FER: variants seen among roughly 807,000 people sequenced by gnomAD.
FER encodes FER tyrosine kinase.
Under a neutral mutation model 111.0 loss-of-function variants are expected in FER, and 63 were observed. The ratio of observed to expected loss-of-function variants is 0.57; its 90% CI spans 0.46 to 0.70. The LOEUF (loss-of-function observed/expected upper bound fraction) is 0.70, where lower values mean the gene tolerates loss of function less well. Among genes scored for constraint, FER ranks in the 30% least tolerant of loss-of-function variants. The probability of loss-of-function intolerance (pLI) is 0.00; values close to 1 mark genes in which losing one functional copy is unlikely to be tolerated. For synonymous variants in FER, 327 were observed against 313.9 expected, an observed-to-expected ratio of 1.04 and a Z score of -0.44; for missense variants, 914 against 954.0, an observed-to-expected ratio of 0.96 and a Z score of 0.55.
chr5:108,834,962 A>G (rs1290594537), intron 4 of FER, among the ~76,000 whole-genome samples: 4 of 152,100 alleles, frequency 2.6e-5, no homozygotes, highest in African/African-American at 9.7e-5. Flanking sequence ...ATCTTCTCAA[A>G]TGGCAAATTT....
chr5:108,944,380 CT>C (rs1756697014), intron 10 of FER, among the ~76,000 whole-genome samples: 1 of 152,062 alleles, frequency 6.6e-6, no homozygotes, highest in African/African-American at 2.4e-5. Context: ...AGGGGCCATC[CT>C]TTTGCCAGAA....
rs1164700411 is a variant in FER at position 108,883,380 on chromosome 5, A to G, written c.924-16A>G. The G allele has an allele frequency of 1.3e-6, 2 of 1,584,836 alleles. No individual in the cohort carries two copies. The highest frequency in any genetic ancestry group is 1.7e-6 in the Non-Finnish European group (2 of 1,167,036). On this transcript the variant is annotated splice_polypyrimidine_tract_variant and intron_variant, in intron 8 of 19. Coordinates refer to ENST00000281092, the MANE Select transcript of FER (RefSeq NM_005246.4). Reference sequence around the variant, plus strand: ...ATTAATTTGTTGGTTGTTATTGAGGATACTGTTTATTCTAGGTTGAAAACG... The same window carrying G: ...ATTAATTTGTTGGTTGTTATTGAGGGTACTGTTTATTCTAGGTTGAAAACG...
Position 108,872,232 on chromosome 5 carries a change from C to A in FER, c.923+20C>A, listed in dbSNP as rs1477888791. ...AGTAATGTAAGTATTCACAAAATAT[C>A]AACAGTTTAAATACTAGTATTATTA... is the stretch of plus-strand genomic sequence containing the variant. On this transcript the variant is annotated intron_variant, in intron 8 of 19. Transcript: ENST00000281092. The A allele has an allele frequency of 1.9e-6, 3 of 1,583,188 alleles. No individual in the cohort carries two copies. The highest frequency in any genetic ancestry group is 1.1e-5 in the South Asian group (1 of 87,232).
intron 17 of FER, among the ~76,000 whole-genome samples, chr5:109,125,526 C>T (rs1215032882): frequency 6.6e-6 from 1 of 152,112 alleles, no homozygotes; most frequent in Non-Finnish European, 1.5e-5. Context: ...ACCATCTTTC[C>T]CTCGCCAAAC....
chr5:109,080,989 G>T (rs1776925760), intron 16 of FER, among the ~76,000 whole-genome samples: 1 of 152,024 alleles, frequency 6.6e-6, no homozygotes, highest in Admixed American at 6.6e-5. Context: ...GTTCAAAGTA[G>T]AGCATATTAA....
At chr5:109,018,281 T>C (rs1192050715) in intron 13 of FER, among the ~76,000 whole-genome samples, 1 of 151,854 alleles carries the variant, frequency 6.6e-6, no homozygotes, top group African/African-American at 2.4e-5. Context: ...GTGGTTTTGC[T>C]TTATCCTGCC....
At chr5:109,141,804 G>A (rs1753552421) in intron 17 of FER, among the ~76,000 whole-genome samples, 5 of 152,222 alleles carry the variant, frequency 3.3e-5, no homozygotes, top group Admixed American at 3.3e-4. Flanking sequence ...CTCCTGCAGA[G>A]AGAGATACTG....
intron 10 of FER, among the ~76,000 whole-genome samples, chr5:108,936,504 C>T (rs900954932): frequency 5.9e-5 from 9 of 151,918 alleles, no homozygotes; most frequent in East Asian, 3.9e-4. Flanking sequence ...TGCCTGTTGA[C>T]GTAATAGTTA....
chr5:108,756,453 C>T (rs1751122837), intron 1 of FER, among the ~76,000 whole-genome samples: 1 of 151,762 alleles, frequency 6.6e-6, no homozygotes, highest in Admixed American at 6.6e-5. Context: ...GAATCTACTC[C>T]AAATTTATGT....
intron 16 of FER, among the ~76,000 whole-genome samples, chr5:109,094,139 C>A (rs1747175436): frequency 1.3e-5 from 2 of 148,454 alleles, no homozygotes; most frequent in Non-Finnish European, 3.0e-5. Flanking sequence ...AGCCTCCAGA[C>A]ATAAAAAATT....
chr5:108,812,046 G>C (rs959381349), intron 3 of FER, among the ~76,000 whole-genome samples: 10 of 152,152 alleles, frequency 6.6e-5, no homozygotes, highest in Admixed American at 2.0e-4. Flanking sequence ...CAGTCAAGTT[G>C]ACACATAAAA....
At chr5:108,946,078 T>C (rs72787099) in intron 10 of FER, 52 bp from the exon 11 acceptor site, 159,597 of 1,234,642 alleles carry the variant, frequency 0.13, 11,327 homozygotes, top group Middle Eastern at 0.17. Context: ...TAAATGTCTA[T>C]ACATATTGGA....
chr5:108,835,961 G>T (rs781070540), intron 5 of FER, 154 bp downstream of exon 5: 23 of 420,840 alleles, frequency 5.5e-5, no homozygotes, highest in Non-Finnish European at 9.5e-5. Flanking sequence ...AAACAGTGTA[G>T]TAAGTCTTAC....
In FER at chr5:109,051,725, G is replaced by C. The variant is rs374355295; in HGVS notation, c.1924+4527G>C. 7.5e-5 allele frequency: 117 copies of C among 1,568,452 alleles called. 4 individuals are homozygous for C. In the African/African-American group the frequency reaches 1.0e-3, roughly 14 times the overall value. ...AGCGGGCCAGTGGTCGCATGGTAAG[G>C]GTCGCTCTTTCCCTTAACCCAATCC... On this transcript the variant is annotated intron_variant, in intron 16 of 19. Transcript: ENST00000281092.
At chr5:109,004,436 A>G (rs1270747179) in intron 13 of FER, among the ~76,000 whole-genome samples, 1 of 152,210 alleles carries the variant, frequency 6.6e-6, no homozygotes, top group African/African-American at 2.4e-5. Flanking sequence ...TAACCAAAAC[A>G]TTGAAAACAA....
At chr5:108,933,716 T>C (rs537643639) in intron 10 of FER, among the ~76,000 whole-genome samples, 4 of 152,328 alleles carry the variant, frequency 2.6e-5, no homozygotes, top group South Asian at 2.1e-4. Context: ...TTTTACGATA[T>C]TGATTCTTCC....
intron 13 of FER, among the ~76,000 whole-genome samples, chr5:109,001,343 A>T (rs1193530532): frequency 1.3e-5 from 2 of 152,234 alleles, no homozygotes; most frequent in African/African-American, 4.8e-5. Flanking sequence ...GAAAATCAAT[A>T]AACGTAATCC....
intron 3 of FER, among the ~76,000 whole-genome samples, chr5:108,800,768 C>T (rs181688439): frequency 9.6e-4 from 146 of 152,326 alleles, no homozygotes; most frequent in South Asian, 1.5e-3. Context: ...TTGCCTGGGC[C>T]GGGCGTGGTG....
intron 16 of FER, among the ~76,000 whole-genome samples, chr5:109,099,703 T>A (rs1185031371): frequency 2.6e-5 from 4 of 151,566 alleles, no homozygotes; most frequent in Admixed American, 2.0e-4. Flanking sequence ...TTTTTAAAAA[T>A]TTTTTAAAAA....
Sources: gnomAD v4.1 joint callset for allele counts (sites outside exome capture counted in the v4.1 genomes callset) on GRCh38, gnomAD v4.1.1 for gene constraint, MANE v1.5 for transcripts, NCBI Gene and HGNC (gene_info 2026-07-23, HGNC 2026-07-21) for gene names.